The following FAM110B variants were observed in gnomAD, a reference collection of about 807,000 sequenced individuals.
FAM110B encodes the protein family with sequence similarity 110 member B.
Under a neutral mutation model 20.4 loss-of-function variants are expected in FAM110B, and 6 were observed. That is an observed-to-expected ratio of 0.29 (90% CI 0.16 to 0.58). The LOEUF is 0.58. FAM110B is among the 20% of genes least tolerant of loss of function. The pLI, the probability that FAM110B is intolerant of heterozygous loss-of-function variation, is 0.90. For missense variants in FAM110B, 434 were observed against 498.2 expected (o/e 0.87, Z 1.23); for synonymous variants, 226 against 214.1 (o/e 1.06, Z -0.49).
chr8:58,047,868 C>G (rs987964340), intron 2 of FAM110B, among the ~76,000 whole-genome samples: 1 of 151,568 alleles, frequency 6.6e-6, no homozygotes, highest in Non-Finnish European at 1.5e-5. Context: ...GCTTGGAGAC[C>G]AGTTTGAGAA....
intron 1 of FAM110B, among the ~76,000 whole-genome samples, chr8:58,017,992 A>C (rs1485237271): frequency 1.3e-5 from 2 of 152,206 alleles, no homozygotes; most frequent in Non-Finnish European, 2.9e-5. Flanking sequence ...GTACTGTTTT[A>C]AGCTCTTCAC....
chr8:58,023,548 C>A (rs940659709), intron 1 of FAM110B, among the ~76,000 whole-genome samples: 1 of 152,184 alleles, frequency 6.6e-6, no homozygotes, highest in African/African-American at 2.4e-5. Context: ...GTGGCCCTAC[C>A]ATTCTCTCCT....
intron 3 of FAM110B, among the ~76,000 whole-genome samples, chr8:58,136,680 G>A (rs774571816): frequency 6.6e-6 from 1 of 152,158 alleles, no homozygotes; most frequent in African/African-American, 2.4e-5. Context: ...CCTCACTGAT[G>A]CAAGTTAGGG....
chr8:57,999,213 A>G (rs1277682513), intron 1 of FAM110B, among the ~76,000 whole-genome samples: 1 of 152,242 alleles, frequency 6.6e-6, no homozygotes, highest in Non-Finnish European at 1.5e-5. Context: ...AGAGAAGTTC[A>G]AAAATGAATA....
At chr8:58,028,157 G>C (rs1029364476) in intron 1 of FAM110B, among the ~76,000 whole-genome samples, 11 of 152,168 alleles carry the variant, frequency 7.2e-5, no homozygotes, top group African/African-American at 2.2e-4. Context: ...AGGCTGGAGT[G>C]CAGTGCTGCG....
intron 3 of FAM110B, among the ~76,000 whole-genome samples, chr8:58,082,964 A>T (rs1333198241): frequency 6.6e-6 from 1 of 150,780 alleles, no homozygotes; most frequent in Non-Finnish European, 1.5e-5. Context: ...AGCTATGATC[A>T]TGCCACTGTG....
At chr8:58,009,284 T>A (rs750525649) in intron 1 of FAM110B, among the ~76,000 whole-genome samples, 2 of 152,194 alleles carry the variant, frequency 1.3e-5, no homozygotes, top group African/African-American at 2.4e-5. Flanking sequence ...GTACCACTGT[T>A]GATAATAACC....
At chr8:58,045,096 G>A (rs1415987045) in intron 2 of FAM110B, among the ~76,000 whole-genome samples, 2 of 152,158 alleles carry the variant, frequency 1.3e-5, no homozygotes, top group South Asian at 2.1e-4. Flanking sequence ...TTAAGTTGGT[G>A]TGGTGTAGGT....
intron 1 of FAM110B, among the ~76,000 whole-genome samples, chr8:58,013,368 AG>A (rs1776882945): frequency 6.6e-6 from 1 of 151,998 alleles, no homozygotes; most frequent in Non-Finnish European, 1.5e-5. Context: ...TATGGTGGGG[AG>A]TGGGTGTTGT....
In FAM110B at chr8:58,009,963, C is replaced by T. The variant is rs371675153; in HGVS notation, c.-512+15157C>T. ...TTTGAAATGTGTCCTCTGATCAGGT[C>T]GAAGGCATTTTAGAGAGCATTGAGT... On this transcript the variant is annotated intron_variant, in intron 1 of 3. Transcript: ENST00000519262. 1.0e-3 allele frequency among the ~76,000 whole-genome samples: 152 copies of T among 152,118 alleles called. 2 individuals are homozygous for T. In the South Asian group the frequency reaches 0.013, roughly 13 times the overall value.
intron 3 of FAM110B, among the ~76,000 whole-genome samples, chr8:58,101,832 C>A (rs1456293782): frequency 6.6e-6 from 1 of 152,084 alleles, no homozygotes; most frequent in Non-Finnish European, 1.5e-5. Context: ...GTACCCATTT[C>A]TCTGAAGCTA....
At chr8:58,029,895 T>C (rs1359198951) in intron 1 of FAM110B, among the ~76,000 whole-genome samples, 3 of 152,220 alleles carry the variant, frequency 2.0e-5, no homozygotes, top group African/African-American at 7.2e-5. Flanking sequence ...TTAATCACAG[T>C]TGAGTGACTT....
intron 3 of FAM110B, among the ~76,000 whole-genome samples, chr8:58,083,350 G>C (rs1298325387): frequency 6.6e-6 from 1 of 152,168 alleles, no homozygotes; most frequent in South Asian, 2.1e-4. Flanking sequence ...TAAGAACTTG[G>C]GTGAAACTTT....
chr8:58,129,547 G>A (rs1032179447), intron 3 of FAM110B, among the ~76,000 whole-genome samples: 5 of 152,178 alleles, frequency 3.3e-5, no homozygotes, highest in Non-Finnish European at 7.3e-5. Context: ...GGTTCCCTTG[G>A]CCTGGAGGAA....
At chr8:58,100,640 A>C (rs139701629) in intron 3 of FAM110B, among the ~76,000 whole-genome samples, 1 of 152,096 alleles carries the variant, frequency 6.6e-6, no homozygotes, top group Admixed American at 6.5e-5. Flanking sequence ...TCATCTTCAC[A>C]TAGTGTTATC....
intron 1 of FAM110B, 70 bp from the exon 2 acceptor site, chr8:58,031,536 T>C (rs1358596844): frequency 6.6e-6 from 1 of 152,234 alleles, no homozygotes; most frequent in Non-Finnish European, 1.5e-5. Flanking sequence ...AAACAATTTC[T>C]TTTGAATGAT....
intron 3 of FAM110B, among the ~76,000 whole-genome samples, chr8:58,141,487 C>T (rs1803741446): frequency 6.6e-6 from 1 of 152,158 alleles, no homozygotes; most frequent in African/African-American, 2.4e-5. Flanking sequence ...TTCAATACCC[C>T]CCTTTTCCTG....
Position 58,120,112 on chromosome 8 carries a change from A to G in FAM110B, c.-324-25795A>G, listed in dbSNP as rs147132287. Among the ~76,000 whole-genome samples, 23 of 152,334 alleles carry G rather than the reference A, an allele frequency of 1.5e-4. No homozygotes were observed. In the East Asian group the frequency reaches 3.3e-3, roughly 22 times the overall value. ...CATGGTTTCTACCTAGAGTGAGGAA[A>G]TATGAACCACATGGCTGGAGCATAT... is the stretch of plus-strand genomic sequence containing the variant. On this transcript the variant is annotated intron_variant, in intron 3 of 3. Transcript: ENST00000519262.
chr8:58,136,701 A>T (rs1368481397), intron 3 of FAM110B, among the ~76,000 whole-genome samples: 1 of 152,186 alleles, frequency 6.6e-6, no homozygotes, highest in Non-Finnish European at 1.5e-5. Flanking sequence ...GCCCTCTTAT[A>T]ATAACACATT....
Sources: gnomAD v4.1 joint callset for allele counts (sites outside exome capture counted in the v4.1 genomes callset) on GRCh38, gnomAD v4.1.1 for gene constraint, MANE v1.5 for transcripts, NCBI Gene and HGNC (gene_info 2026-07-23, HGNC 2026-07-21) for gene names.